The following SEC23B variants were observed in gnomAD, a reference collection of about 807,000 sequenced individuals.
The protein encoded by SEC23B is protein transport protein Sec23B.
Under a neutral mutation model 104.3 loss-of-function variants are expected in SEC23B, and 77 were observed. The observed-to-expected ratio is 0.74, with a 90% CI of 0.61 to 0.89. The LOEUF (loss-of-function observed/expected upper bound fraction) is 0.89, where lower values mean the gene tolerates loss of function less well. Among genes scored for constraint, SEC23B ranks in the 40% least tolerant of loss-of-function variants. SEC23B has a pLI of 0.00. For missense variants in SEC23B, 885 were observed against 949.4 expected (o/e 0.93, Z 0.89); for synonymous variants, 338 against 332.5 (o/e 1.02, Z -0.18).
At chr20:18,553,605 C>T (rs185452665) in intron 17 of SEC23B, among the ~76,000 whole-genome samples, 121 of 152,308 alleles carry the variant, frequency 7.9e-4, no homozygotes, top group Admixed American at 1.9e-3. Flanking sequence ...AAATGTGTAG[C>T]GTAGTCAGGG....
At chr20:18,538,051 C>T (rs1168300420) in intron 12 of SEC23B, among the ~76,000 whole-genome samples, 1 of 152,078 alleles carries the variant, frequency 6.6e-6, no homozygotes, top group African/African-American at 2.4e-5. Context: ...TCAAGCCATT[C>T]TCCCACCCCA....
intron 19 of SEC23B, among the ~76,000 whole-genome samples, chr20:18,556,202 G>C (rs1308761098): frequency 6.6e-6 from 1 of 152,148 alleles, no homozygotes; most frequent in Admixed American, 6.5e-5. Context: ...CACTCACCTG[G>C]TGTGTGGCCT....
intron 19 of SEC23B, 110 bp downstream of exon 19, chr20:18,555,283 T>C: frequency 1.1e-6 from 1 of 895,462 alleles, no homozygotes; most frequent in Non-Finnish European, 1.8e-6. Flanking sequence ...AATAACTGCG[T>C]AAGTTGGGTA....
chr20:18,543,149 C>A lies in SEC23B; in HGVS notation c.1642C>A (p.Leu548Met). 6.2e-7 allele frequency: 1 copy of A among 1,614,174 alleles called. No homozygotes were observed. The highest frequency in any genetic ancestry group is 1.6e-4 in the Middle Eastern group (1 of 6,062). ...SEEGPDVLRW[L>M]DRQLIRLCQK... The stretch of plus-strand genomic sequence containing the variant: ...GGAGGGGCCCGATGTGCTCCGGTGG[C>A]TGGACCGACAACTCATCCGACTGGT... Residue 548 changes from leucine (L) to methionine (M), a missense_variant, in exon 14 of 20, where the codon CTG becomes ATG. Leu to Met is a conservative substitution (Grantham distance 15, BLOSUM62 2). Coordinates refer to ENST00000650089, the MANE Select transcript of SEC23B (RefSeq NM_006363.6).
At chr20:18,512,390 C>T (rs891030028) in intron 3 of SEC23B, 108 bp downstream of exon 3, 3 of 696,624 alleles carry the variant, frequency 4.3e-6, no homozygotes, top group African/African-American at 1.8e-5. Context: ...GCAGTTTCTG[C>T]TGAACTCAGG....
intron 11 of SEC23B, among the ~76,000 whole-genome samples, chr20:18,534,873 G>A (rs2060213879): frequency 6.6e-6 from 1 of 152,168 alleles, no homozygotes; most frequent in Admixed American, 6.5e-5. Context: ...TTAGAATGGG[G>A]TTAGCAAGGC....
intron 19 of SEC23B, among the ~76,000 whole-genome samples, chr20:18,560,279 A>G (rs1483314043): frequency 6.6e-6 from 1 of 152,154 alleles, no homozygotes; most frequent in African/African-American, 2.4e-5. Context: ...GTACACCATT[A>G]TCCAGCTTCT....
chr20:18,512,906 C>T lies in SEC23B; in HGVS notation c.279+624C>T, dbSNP rs142249674. On this transcript the variant is annotated intron_variant, in intron 3 of 19. Coordinates refer to ENST00000650089, the MANE Select transcript of SEC23B (RefSeq NM_006363.6). Reference sequence around the variant, plus strand: ...CTCTACTAAAAATACAAAAATTAGGCCGGGCGCGGTGACTTACGCCTATAA... The same window carrying T: ...CTCTACTAAAAATACAAAAATTAGGTCGGGCGCGGTGACTTACGCCTATAA... 3.3e-3 allele frequency among the ~76,000 whole-genome samples: 503 copies of T among 152,220 alleles called. 2 individuals carry two copies. The highest frequency in any genetic ancestry group is 4.9e-3 in the Non-Finnish European group (331 of 68,010).
At chr20:18,520,769 C>T (rs144760192) in intron 4 of SEC23B, among the ~76,000 whole-genome samples, 29 of 151,894 alleles carry the variant, frequency 1.9e-4, no homozygotes, top group African/African-American at 6.8e-4. Flanking sequence ...ATTAAGAAGG[C>T]GACGGACTTA....
intron 12 of SEC23B, 74 bp downstream of exon 12, chr20:18,535,816 T>C: frequency 8.5e-7 from 1 of 1,176,944 alleles, no homozygotes; most frequent in Admixed American, 1.8e-5. Context: ...CAGTGGTCTC[T>C]GGTTACTTTC....
At position 18,561,342 on chromosome 20, in the gene SEC23B, T is replaced by C. The variant is rs796088576; in HGVS notation, c.*602T>C. The stretch of plus-strand genomic sequence containing the variant: ...ACCTCTCCTTACAAGATTTTTGTTG[T>C]TGATGTATTTAATTTTAGCCCATGT... On this transcript the variant is annotated 3_prime_UTR_variant, in exon 20 of 20. Transcript: ENST00000650089. 5.2e-5 allele frequency: 8 copies of C among 152,770 alleles called. No individual in the cohort carries two copies. The highest frequency in any genetic ancestry group is 1.7e-4 in the African/African-American group (7 of 41,596). 9.5% of individuals were successfully genotyped at this position (152,770 alleles called of 1,614,324 possible).
chr20:18,535,533 G>A (rs1018538866), intron 11 of SEC23B, 120 bp from the exon 12 acceptor site: 2 of 717,282 alleles, frequency 2.8e-6, no homozygotes, highest in African/African-American at 3.5e-5. Context: ...CAACTTAAAT[G>A]TTCTCCTAAA....
chr20:18,521,372 G>C (rs1039071086), intron 4 of SEC23B, among the ~76,000 whole-genome samples: 2 of 152,102 alleles, frequency 1.3e-5, no homozygotes, highest in African/African-American at 4.8e-5. Context: ...CTTCCTCTGG[G>C]GTCTAGGACA....
In SEC23B at chr20:18,524,669, G is replaced by C. The variant is rs767102106; in HGVS notation, c.603G>C (p.Gln201His). 2 of 1,609,506 alleles carry C rather than the reference G, an allele frequency of 1.2e-6. No homozygotes were observed. The highest frequency in any genetic ancestry group is 1.7e-6 in the Non-Finnish European group (2 of 1,176,282). Residue 201 changes from glutamine (Q) to histidine (H), a missense_variant and splice_region_variant, in exon 5 of 20, where the codon CAG (glutamine) becomes CAC (histidine). Coordinates refer to ENST00000650089, the MANE Select transcript of SEC23B (RefSeq NM_006363.6). Reference protein sequence around the residue: ...GTKDLTAKQIQDMLGLTKPAM... With the variant: ...GTKDLTAKQIHDMLGLTKPAM... ...AGGATTTAACTGCAAAGCAAATACA[G>C]GTTTGTACCTTACTTGTACAGGAGC...
intron 4 of SEC23B, among the ~76,000 whole-genome samples, chr20:18,519,876 C>T (rs367626194): frequency 1.3e-5 from 2 of 151,960 alleles, no homozygotes; most frequent in Non-Finnish European, 1.5e-5. Flanking sequence ...AGGGAGAGCA[C>T]GGGTGTTTTC....
Position 18,542,445 on chromosome 20 carries a change from A to C in SEC23B, c.1511+43A>C, listed in dbSNP as rs762425509. 1.6e-5 allele frequency: 24 copies of C among 1,511,930 alleles called. No individual in the cohort carries two copies. The African/African-American group carries it at 3.0e-4, about 19-fold the overall frequency. The allele number at this position is 1,511,930 out of a possible 1,614,324, so 93.7% of individuals were successfully genotyped here. On this transcript the variant is annotated intron_variant, in intron 13 of 19. Transcript: ENST00000650089. ...CCTTTCTGTTGAGGAACTGACTGAC[A>C]TTTTTCCCTTGAAGAGATACTTTAA...
chr20:18,535,592 G>GC, intron 11 of SEC23B, 61 bp from the exon 12 acceptor site: 1 of 1,314,764 alleles, frequency 7.6e-7, no homozygotes, highest in Non-Finnish European at 1.1e-6. Flanking sequence ...CTTTTCATTA[G>GC]CAATTAACCA....
intron 4 of SEC23B, among the ~76,000 whole-genome samples, chr20:18,520,849 C>A (rs1195574954): frequency 6.6e-6 from 1 of 151,924 alleles, no homozygotes; most frequent in Non-Finnish European, 1.5e-5. Flanking sequence ...GGCGATCAGG[C>A]AGCGTCCGTC....
At chr20:18,524,180 C>G (rs1404653649) in intron 4 of SEC23B, among the ~76,000 whole-genome samples, 2 of 152,098 alleles carry the variant, frequency 1.3e-5, no homozygotes, top group African/African-American at 2.4e-5. Flanking sequence ...TGTCCCAGGA[C>G]CTGAAACAAT....
Sources: allele counts gnomAD v4.1 joint callset (sites outside exome capture counted in the v4.1 genomes callset), GRCh38; gene constraint gnomAD v4.1.1; transcripts MANE v1.5; gene names NCBI Gene and HGNC (gene_info 2026-07-23, HGNC 2026-07-21).